STX18: variants seen among roughly 807,000 people sequenced by gnomAD.
STX18 encodes the protein syntaxin-18.
STX18 carries 40 observed loss-of-function variants against 50.1 expected under a neutral mutation model. The observed-to-expected ratio is 0.80, with a 90% CI of 0.62 to 1.04. The LOEUF (loss-of-function observed/expected upper bound fraction) is 1.04, where lower values mean the gene tolerates loss of function less well. Ranked by LOEUF, STX18 falls within the 50% of genes least tolerant of loss-of-function variation. STX18 has a pLI of 0.00. For synonymous variants in STX18, 158 were observed against 151.8 expected (o/e 1.04, Z -0.30); for missense variants, 410 against 415.8 (o/e 0.99, Z 0.12).
Position 4,510,963 on chromosome 4 carries a change from T to C in STX18, c.168+30834A>G, listed in dbSNP as rs938375040. Among the ~76,000 whole-genome samples the C allele has an allele frequency of 7.2e-5, 11 of 151,914 alleles. 1 individual carries two copies. Among genetic ancestry groups the C allele is most frequent in the Admixed American group, 6.5e-4 (10 of 15,276 alleles). On this transcript the variant is annotated intron_variant, in intron 1 of 10. Transcript: ENST00000306200. ...GTGGGAATTGAACAAGGAGAACACA[T>C]GGACACAGGGAGGGGAACAACACAC... is the stretch of plus-strand genomic sequence containing the variant.
chr4:4,421,601 C>G (rs1404085976), intron 9 of STX18, among the ~76,000 whole-genome samples: 2 of 152,158 alleles, frequency 1.3e-5, no homozygotes, highest in Non-Finnish European at 2.9e-5. Flanking sequence ...CTTACCATCC[C>G]TCCTGCGCCA....
intron 1 of STX18, among the ~76,000 whole-genome samples, chr4:4,511,247 T>C (rs1729991208): frequency 6.6e-6 from 1 of 152,172 alleles, no homozygotes; most frequent in Admixed American, 6.5e-5. Context: ...TACAATGCAT[T>C]CTGACAGTTT....
At position 4,537,294 on chromosome 4, in the gene STX18, A is replaced by T. The variant is rs1322334620; in HGVS notation, c.168+4503T>A. Among the ~76,000 whole-genome samples the T allele has an allele frequency of 2.0e-5, 3 of 152,194 alleles. 1 individual carries two copies. The highest frequency in any genetic ancestry group is 2.0e-4 in the Admixed American group (3 of 15,280). ...CAGGCAGGCAAGGTGAAGGCACATC[A>T]GGCACTGTCCCAGGCACTGTGAGGG... On this transcript the variant is annotated intron_variant, in intron 1 of 10. Coordinates refer to ENST00000306200, the MANE Select transcript of STX18 (RefSeq NM_016930.4).
intron 8 of STX18, chr4:4,423,818 C>T (rs1725094893): frequency 1.8e-6 from 1 of 558,904 alleles, no homozygotes; most frequent in Non-Finnish European, 3.2e-6. Context: ...GAAGTCCACT[C>T]TACCATGCCA....
At chr4:4,423,816 C>T in intron 8 of STX18, 5 of 560,308 alleles carry the variant, frequency 8.9e-6, no homozygotes, top group Non-Finnish European at 1.6e-5. Flanking sequence ...TGGAAGTCCA[C>T]TCTACCATGC....
intron 1 of STX18, among the ~76,000 whole-genome samples, chr4:4,472,682 C>G (rs1727981251): frequency 6.6e-6 from 1 of 152,132 alleles, no homozygotes; most frequent in Non-Finnish European, 1.5e-5. Flanking sequence ...TTTATATACA[C>G]ACTTCTTTGT....
chr4:4,443,424 C>G (rs953683962), intron 5 of STX18, among the ~76,000 whole-genome samples: 1 of 152,180 alleles, frequency 6.6e-6, no homozygotes, highest in Non-Finnish European at 1.5e-5. Context: ...TAAACACGTA[C>G]AAAATCTACA....
chr4:4,499,483 C>A, intron 1 of STX18: 3 of 985,242 alleles, frequency 3.0e-6, no homozygotes, highest in Non-Finnish European at 3.6e-6. Context: ...ATTTCATATG[C>A]ACAGATGCTT....
rs34300930 is a variant in STX18 at position 4,447,592 on chromosome 4, C to CAAAAAAAAAAAA, written c.498-9095_498-9084dup. Among the ~76,000 whole-genome samples, 9 of 45,906 alleles carry CAAAAAAAAAAAA rather than the reference C, an allele frequency of 2.0e-4. 1 individual carries two copies. Among genetic ancestry groups the CAAAAAAAAAAAA allele is most frequent in the African/African-American group, 2.1e-4 (3 of 14,392 alleles). 30.1% of individuals were successfully genotyped at this position (45,906 alleles called of 152,430 possible). A position where few individuals can be genotyped will look rare whatever the true frequency, so the allele number is the denominator to read the frequency against. On this transcript the variant is annotated intron_variant, in intron 5 of 10. Transcript: ENST00000306200. ...GGCGACAGAGCGAGACTCCGTCTCA[C>CAAAAAAAAAAAA]AAAAAAAAAAAAAAAAAAAAAAAAA...
intron 5 of STX18, among the ~76,000 whole-genome samples, chr4:4,444,197 T>C (rs1032069390): frequency 2.0e-5 from 3 of 152,206 alleles, no homozygotes; most frequent in Non-Finnish European, 4.4e-5. Flanking sequence ...ACATTCTTTT[T>C]ACAAGCAGTA....
intron 1 of STX18, among the ~76,000 whole-genome samples, chr4:4,511,356 T>C (rs1360159514): frequency 6.6e-6 from 1 of 152,210 alleles, no homozygotes; most frequent in East Asian, 1.9e-4. Flanking sequence ...ACAGCTATGT[T>C]TTGTTCTATG....
chr4:4,507,477 T>C (rs1385641007), intron 1 of STX18: 2 of 762,212 alleles, frequency 2.6e-6, no homozygotes, highest in South Asian at 1.3e-5. Context: ...GAAAGCATAT[T>C]ATCTTTATCG....
At position 4,509,611 on chromosome 4, in the gene STX18, A is replaced by G. The variant is rs150836074; in HGVS notation, c.168+32186T>C. Reference sequence around the variant, plus strand: ...CCAGCCATATTTTAGACAAATAATAATAAGTATAATCAATATATTAAAATC... The same window carrying G: ...CCAGCCATATTTTAGACAAATAATAGTAAGTATAATCAATATATTAAAATC... On this transcript the variant is annotated intron_variant, in intron 1 of 10. Coordinates refer to ENST00000306200, the MANE Select transcript of STX18 (RefSeq NM_016930.4). Among the ~76,000 whole-genome samples the G allele has an allele frequency of 3.8e-3, 575 of 152,316 alleles. 3 individuals carry two copies. The highest frequency in any genetic ancestry group is 0.013 in the African/African-American group (560 of 41,574).
intron 1 of STX18, among the ~76,000 whole-genome samples, chr4:4,514,943 A>T (rs1356878467): frequency 6.6e-6 from 1 of 152,194 alleles, no homozygotes; most frequent in Non-Finnish European, 1.5e-5. Flanking sequence ...CAATAGTTCC[A>T]TAAACTATGG....
chr4:4,475,296 A>G (rs914146082), intron 1 of STX18, among the ~76,000 whole-genome samples: 3 of 152,208 alleles, frequency 2.0e-5, no homozygotes, highest in South Asian at 2.1e-4. Context: ...AGAATTCTTG[A>G]TAAGAGGTGT....
At chr4:4,504,826 T>G (rs957031672) in intron 1 of STX18, among the ~76,000 whole-genome samples, 2 of 152,138 alleles carry the variant, frequency 1.3e-5, no homozygotes, top group African/African-American at 4.8e-5. Flanking sequence ...GAATGTGAAA[T>G]AACTAGAATT....
chr4:4,517,948 T>A (rs763629838), intron 1 of STX18, among the ~76,000 whole-genome samples: 8 of 152,120 alleles, frequency 5.3e-5, no homozygotes, highest in African/African-American at 9.7e-5. Flanking sequence ...CTAATTTTTG[T>A]ATTTTTAGTA....
intron 5 of STX18, among the ~76,000 whole-genome samples, chr4:4,448,327 C>T (rs146156993): frequency 6.6e-6 from 1 of 150,616 alleles, no homozygotes; most frequent in African/African-American, 2.5e-5. Context: ...TTTAGTGTGG[C>T]CTTGGATGGG....
intron 1 of STX18, among the ~76,000 whole-genome samples, chr4:4,526,093 C>G (rs1730737163): frequency 6.6e-6 from 1 of 152,116 alleles, no homozygotes; most frequent in Admixed American, 6.5e-5. Context: ...GACCAAATAT[C>G]TGAGAATCTT....
Sources: gnomAD v4.1 joint callset for allele counts (sites outside exome capture counted in the v4.1 genomes callset) on GRCh38, gnomAD v4.1.1 for gene constraint, MANE v1.5 for transcripts, NCBI Gene and HGNC (gene_info 2026-07-23, HGNC 2026-07-21) for gene names.